CTIF: variants seen among roughly 807,000 people sequenced by gnomAD.
CTIF encodes cap binding complex dependent translation initiation factor, also known as CBP80/20-dependent translation initiation factor.
A neutral mutation model predicts 66.0 loss-of-function variants in CTIF; 21 were observed. That is an observed-to-expected ratio of 0.32 (90% confidence interval 0.23 to 0.46). CTIF has a LOEUF of 0.46. Among genes scored for constraint, CTIF ranks in the 20% least tolerant of loss-of-function variants. The probability of loss-of-function intolerance (pLI) is 1.00; values close to 1 mark genes in which losing one functional copy is unlikely to be tolerated. For missense variants in CTIF, 739 were observed against 812.7 expected, an observed-to-expected ratio of 0.91 and a Z score of 1.10; for synonymous variants, 345 against 326.4, an observed-to-expected ratio of 1.06 and a Z score of -0.62.
intron 9 of CTIF, among the ~76,000 whole-genome samples, chr18:48,799,026 C>T (rs2067992462): frequency 6.6e-6 from 1 of 152,186 alleles, no homozygotes; most frequent in Admixed American, 6.5e-5. Flanking sequence ...CGTGACTTGA[C>T]AGGAGGTGGC....
Position 48,664,546 on chromosome 18 carries a change from C to T in CTIF, c.426C>T (p.Arg142=), listed in dbSNP as rs917115636. 4.3e-6 allele frequency: 7 copies of T among 1,610,972 alleles called. No individual in the cohort carries two copies. The highest frequency in any genetic ancestry group is 1.7e-5 in the Admixed American group (1 of 60,002). The change falls in exon 5 of 12, where the codon CGC becomes CGT. Residue 142 remains arginine, a synonymous_variant. Transcript: ENST00000256413. ...AGCAGCCCCTGCCACACATCGACCG[C>T]GAAGGGTAAGGGGTGCTGGGGCTCT... is the stretch of plus-strand genomic sequence containing the variant. ...TPKQPLPHID[R]EGCGKGKLED...
chr18:48,677,585 T>C (rs1294292969), intron 6 of CTIF, among the ~76,000 whole-genome samples: 1 of 152,222 alleles, frequency 6.6e-6, no homozygotes, highest in Non-Finnish European at 1.5e-5. Context: ...CGTACTGTTA[T>C]TGACCTCACT....
chr18:48,767,504 G>A (rs1403170681), intron 9 of CTIF, among the ~76,000 whole-genome samples: 1 of 152,132 alleles, frequency 6.6e-6, no homozygotes, highest in Non-Finnish European at 1.5e-5. Context: ...TCCGAGCTAT[G>A]CAGAGCAAAG....
intron 10 of CTIF, among the ~76,000 whole-genome samples, chr18:48,849,922 A>G (rs1231853591): frequency 1.3e-5 from 2 of 152,044 alleles, no homozygotes; most frequent in Non-Finnish European, 2.9e-5. Context: ...CTTTGGCATT[A>G]AGCGTATTCA....
In CTIF at chr18:48,614,404, A is replaced by C. The variant is rs544583033; in HGVS notation, c.-28-5134A>C. 2.6e-5 allele frequency among the ~76,000 whole-genome samples: 4 copies of C among 152,366 alleles called. No homozygotes were observed. In the South Asian group the frequency reaches 8.3e-4, roughly 32 times the overall value. ...GACTCAGAGGGATCGTTGTACACTC[A>C]TATTCAAAGCAGCATTATTCACAAC... On this transcript the variant is annotated intron_variant, in intron 1 of 11. Coordinates refer to ENST00000256413, the MANE Select transcript of CTIF (RefSeq NM_014772.3).
chr18:48,577,178 A>T (rs1418878018), intron 1 of CTIF, among the ~76,000 whole-genome samples: 1 of 152,238 alleles, frequency 6.6e-6, no homozygotes, highest in African/African-American at 2.4e-5. Flanking sequence ...GAGTTTGGGT[A>T]GATTGGAATC....
intron 10 of CTIF, among the ~76,000 whole-genome samples, chr18:48,855,799 C>T (rs111357529): frequency 6.6e-6 from 1 of 152,302 alleles, no homozygotes; most frequent in Non-Finnish European, 1.5e-5. Flanking sequence ...ACCAGGAAAA[C>T]TACCAGAACC....
At chr18:48,601,372 G>A (rs913410006) in intron 1 of CTIF, among the ~76,000 whole-genome samples, 4 of 152,208 alleles carry the variant, frequency 2.6e-5, no homozygotes, top group Non-Finnish European at 5.9e-5. Context: ...TATTCTGTGC[G>A]TGCACAACAG....
At chr18:48,714,387 CCAT>C (rs1260118284) in intron 7 of CTIF, among the ~76,000 whole-genome samples, 1 of 152,176 alleles carries the variant, frequency 6.6e-6, no homozygotes, top group Non-Finnish European at 1.5e-5. Context: ...TCTCCCCCCA[CCAT>C]ATGAAGGGAA....
intron 7 of CTIF, 87 bp from the exon 8 acceptor site, chr18:48,757,832 T>C (rs1568192496): frequency 1.3e-6 from 2 of 1,494,794 alleles, no homozygotes; most frequent in Admixed American, 4.2e-5. Flanking sequence ...GACAAGGCAA[T>C]GACTTCCTGT....
chr18:48,717,614 T>C (rs546482102), intron 7 of CTIF, among the ~76,000 whole-genome samples: 56 of 152,140 alleles, frequency 3.7e-4, no homozygotes, highest in African/African-American at 1.3e-3. Context: ...CACTCAATTA[T>C]ATACTTTAAA....
At chr18:48,733,143 TG>T (rs1244108980) in intron 7 of CTIF, among the ~76,000 whole-genome samples, 1 of 151,902 alleles carries the variant, frequency 6.6e-6, no homozygotes, top group Admixed American at 6.6e-5. Context: ...GTAGCTGCCC[TG>T]GGGAGGCAGT....
intron 6 of CTIF, among the ~76,000 whole-genome samples, chr18:48,687,348 A>ACACC (rs1255120792): frequency 6.7e-6 from 1 of 149,972 alleles, no homozygotes; most frequent in Admixed American, 6.6e-5. Context: ...ACACACACAC[A>ACACC]CACCAAGCTT....
At chr18:48,763,679 G>A (rs556643783) in intron 9 of CTIF, among the ~76,000 whole-genome samples, 5 of 152,308 alleles carry the variant, frequency 3.3e-5, no homozygotes, top group South Asian at 2.1e-4. Flanking sequence ...TTTGTCATCC[G>A]TTGGAGCTTG....
chr18:48,854,383 T>C (rs1461947801), intron 10 of CTIF, among the ~76,000 whole-genome samples: 1 of 152,110 alleles, frequency 6.6e-6, no homozygotes, highest in Non-Finnish European at 1.5e-5. Context: ...TGCGGCCCTT[T>C]AACCTGCATG....
chr18:48,718,270 G>A (rs1035155701), intron 7 of CTIF, among the ~76,000 whole-genome samples: 7 of 152,172 alleles, frequency 4.6e-5, no homozygotes, highest in Non-Finnish European at 1.0e-4. Flanking sequence ...CCTAGCTACA[G>A]TCTCTAACAC....
chr18:48,713,035 C>G (rs2092243915), intron 7 of CTIF, among the ~76,000 whole-genome samples: 1 of 152,220 alleles, frequency 6.6e-6, no homozygotes, highest in Admixed American at 6.5e-5. Context: ...GGACCCAGGC[C>G]TGTTCCTGCC....
At chr18:48,564,363 C>T (rs1348051396) in intron 1 of CTIF, among the ~76,000 whole-genome samples, 1 of 152,164 alleles carries the variant, frequency 6.6e-6, no homozygotes, top group African/African-American at 2.4e-5. Context: ...ATGAGTACAG[C>T]TCCGTGTCAC....
intron 7 of CTIF, among the ~76,000 whole-genome samples, chr18:48,717,402 A>T (rs562872146): frequency 2.5e-4 from 36 of 144,932 alleles, no homozygotes; most frequent in African/African-American, 4.1e-4. Flanking sequence ...CTGTCTTTAA[A>T]AAATAAATAA....
Sources: allele counts gnomAD v4.1 joint callset (sites outside exome capture counted in the v4.1 genomes callset), GRCh38; gene constraint gnomAD v4.1.1; transcripts MANE v1.5; gene names NCBI Gene and HGNC (gene_info 2026-07-23, HGNC 2026-07-21).